The following MACROD2 variants were observed in gnomAD, a reference collection of about 807,000 sequenced individuals.
MACROD2 encodes mono-ADP ribosylhydrolase 2, also known as ADP-ribose glycohydrolase MACROD2.
MACROD2 carries 36 observed loss-of-function variants against 70.4 expected under a neutral mutation model. The ratio of observed to expected loss-of-function variants is 0.51; its 90% CI spans 0.39 to 0.68. MACROD2 has a LOEUF of 0.68. Ranked by LOEUF, MACROD2 falls within the 30% of genes least tolerant of loss-of-function variation. The pLI is 0.00. For synonymous variants in MACROD2, 172 were observed against 178.8 expected (o/e 0.96, Z 0.30); for missense variants, 496 against 538.4 (o/e 0.92, Z 0.78).
At chr20:14,252,702 G>A (rs981029979) in intron 3 of MACROD2, among the ~76,000 whole-genome samples, 2 of 151,886 alleles carry the variant, frequency 1.3e-5, no homozygotes, top group African/African-American at 4.8e-5. Context: ...ATTATCTCAT[G>A]TTCTTGTTAT....
chr20:14,395,603 T>C (rs1359165023), intron 3 of MACROD2, among the ~76,000 whole-genome samples: 1 of 152,144 alleles, frequency 6.6e-6, no homozygotes, highest in East Asian at 1.9e-4. Context: ...CACTTTGATA[T>C]TCAGTATTTA....
chr20:14,408,290 A>C (rs527978941), intron 3 of MACROD2, among the ~76,000 whole-genome samples: 2 of 152,260 alleles, frequency 1.3e-5, no homozygotes, highest in South Asian at 4.1e-4. Context: ...TCTGAGAAGG[A>C]TGCAGAAGTA....
At chr20:15,311,647 G>C (rs1400869434) in intron 6 of MACROD2, among the ~76,000 whole-genome samples, 1 of 152,202 alleles carries the variant, frequency 6.6e-6, no homozygotes, top group Non-Finnish European at 1.5e-5. Flanking sequence ...CATGGATGGA[G>C]CTGGAGGTGA....
At chr20:15,106,361 GAA>G (rs797018697) in intron 5 of MACROD2, among the ~76,000 whole-genome samples, 95 of 152,198 alleles carry the variant, frequency 6.2e-4, no homozygotes, top group African/African-American at 2.0e-3. Flanking sequence ...GTCTTAACAA[GAA>G]AATTATTAGT....
intron 5 of MACROD2, among the ~76,000 whole-genome samples, chr20:15,116,312 G>A (rs1469623849): frequency 6.6e-6 from 1 of 152,072 alleles, no homozygotes; most frequent in African/African-American, 2.4e-5. Flanking sequence ...AAGACCATGA[G>A]GATGAAGACC....
Position 14,802,497 on chromosome 20 carries a change from G to A in MACROD2, c.418+117538G>A, listed in dbSNP as rs13043371. Among the ~76,000 whole-genome samples the A allele has an allele frequency of 7.8e-3, 1,181 of 152,022 alleles. 16 individuals carry two copies. The highest frequency in any genetic ancestry group is 0.012 in the Non-Finnish European group (825 of 67,938). On this transcript the variant is annotated intron_variant, in intron 5 of 17. Transcript: ENST00000684519. Reference sequence around the variant, plus strand: ...CTTAGCACACACTGTTGATACATGTGCTTACACATTCAGTCACACATACGC... The same window carrying A: ...CTTAGCACACACTGTTGATACATGTACTTACACATTCAGTCACACATACGC...
chr20:14,762,075 C>T (rs1164766978), intron 5 of MACROD2, among the ~76,000 whole-genome samples: 3 of 152,056 alleles, frequency 2.0e-5, no homozygotes, highest in South Asian at 4.1e-4. Flanking sequence ...CTCAGGGCCT[C>T]GGCTGGTTCA....
intron 8 of MACROD2, among the ~76,000 whole-genome samples, chr20:15,666,141 C>T (rs932789166): frequency 6.6e-6 from 1 of 152,120 alleles, no homozygotes; most frequent in Admixed American, 6.6e-5. Context: ...TAAAATTGGT[C>T]CATAGCAATA....
intron 3 of MACROD2, among the ~76,000 whole-genome samples, chr20:14,182,435 C>T (rs902618270): frequency 1.9e-4 from 29 of 151,906 alleles, no homozygotes; most frequent in African/African-American, 7.0e-4. Flanking sequence ...GTTGTCTTTT[C>T]ACTTTCTTGA....
chr20:15,981,607 G>A (rs1365124277), intron 13 of MACROD2, among the ~76,000 whole-genome samples: 1 of 152,034 alleles, frequency 6.6e-6, no homozygotes. Context: ...CCAGCTAATT[G>A]CAAAAAACAA....
chr20:15,602,832 C>T (rs540139908), intron 8 of MACROD2, among the ~76,000 whole-genome samples: 1 of 152,158 alleles, frequency 6.6e-6, no homozygotes, highest in East Asian at 1.9e-4. Flanking sequence ...ATAACCCTGC[C>T]ATTTTACTTC....
intron 2 of MACROD2, among the ~76,000 whole-genome samples, chr20:14,012,672 G>A (rs746454309): frequency 6.6e-6 from 1 of 152,120 alleles, no homozygotes; most frequent in Non-Finnish European, 1.5e-5. Flanking sequence ...GTGTGGGTCT[G>A]TGATGTTATT....
At chr20:14,150,612 A>G (rs2055005928) in intron 3 of MACROD2, among the ~76,000 whole-genome samples, 1 of 152,214 alleles carries the variant, frequency 6.6e-6, no homozygotes, top group Admixed American at 6.5e-5. Context: ...TAGTACAGAT[A>G]CAGAATTTTA....
intron 6 of MACROD2, among the ~76,000 whole-genome samples, chr20:15,369,019 A>G (rs1430892153): frequency 6.6e-6 from 1 of 152,158 alleles, no homozygotes; most frequent in Admixed American, 6.5e-5. Context: ...AATAGAGTAT[A>G]TGTCTGGTAT....
chr20:15,047,184 G>C (rs560184341), intron 5 of MACROD2, among the ~76,000 whole-genome samples: 1 of 152,278 alleles, frequency 6.6e-6, no homozygotes, highest in African/African-American at 2.4e-5. Context: ...ACATCTGATT[G>C]AGGATACGTG....
At chr20:15,432,010 C>G (rs1347586210) in intron 7 of MACROD2, among the ~76,000 whole-genome samples, 2 of 151,922 alleles carry the variant, frequency 1.3e-5, no homozygotes, top group African/African-American at 2.4e-5. Flanking sequence ...CACTTGCTTT[C>G]ACTAGCCTAA....
chr20:15,219,024 C>G (rs1404003000), intron 5 of MACROD2, among the ~76,000 whole-genome samples: 1 of 151,614 alleles, frequency 6.6e-6, no homozygotes, highest in Non-Finnish European at 1.5e-5. Context: ...CCAGCCTGGG[C>G]GACAGAGCGA....
chr20:16,015,762 CT>C (rs373238694), intron 15 of MACROD2, among the ~76,000 whole-genome samples: 31 of 151,902 alleles, frequency 2.0e-4, no homozygotes, highest in Middle Eastern at 3.2e-3. Context: ...GTATAGTTAG[CT>C]TTTGGTAATT....
intron 5 of MACROD2, among the ~76,000 whole-genome samples, chr20:14,889,638 C>G (rs1341900030): frequency 6.6e-6 from 1 of 152,000 alleles, no homozygotes; most frequent in Non-Finnish European, 1.5e-5. Flanking sequence ...AGGGAAGTCC[C>G]AGGAGATAAT....
Sources: gnomAD v4.1 joint callset for allele counts (sites outside exome capture counted in the v4.1 genomes callset) on GRCh38, gnomAD v4.1.1 for gene constraint, MANE v1.5 for transcripts, NCBI Gene and HGNC (gene_info 2026-07-23, HGNC 2026-07-21) for gene names.